The following CDH4 variants were observed in gnomAD, a reference collection of about 807,000 sequenced individuals.
The protein encoded by CDH4 is cadherin-4.
Under a neutral mutation model 86.0 loss-of-function variants are expected in CDH4, and 33 were observed. The observed-to-expected ratio is 0.38, with a 90% CI of 0.29 to 0.51. CDH4 has a LOEUF of 0.51. Ranked by LOEUF, CDH4 falls within the 20% of genes least tolerant of loss-of-function variation. The pLI, the probability that CDH4 is intolerant of heterozygous loss-of-function variation, is 0.86. For missense variants in CDH4, 1,114 were observed against 1,307.4 expected, an observed-to-expected ratio of 0.85 and a Z score of 2.28; for synonymous variants, 555 against 549.4, an observed-to-expected ratio of 1.01 and a Z score of -0.14.
At chr20:61,651,098 G>T (rs566738162) in intron 2 of CDH4, among the ~76,000 whole-genome samples, 1 of 151,992 alleles carries the variant, frequency 6.6e-6, no homozygotes, top group Admixed American at 6.6e-5. Flanking sequence ...TGGTGTGCTC[G>T]TGTCAGTGAG....
At chr20:61,933,165 G>A (rs370505270) in intron 14 of CDH4, 41 bp downstream of exon 14, 2 of 1,600,814 alleles carry the variant, frequency 1.2e-6, no homozygotes, top group African/African-American at 1.3e-5. Context: ...CGCGAGGCCG[G>A]CTCTCACGTG....
chr20:61,728,694 C>T (rs935433384), intron 2 of CDH4, among the ~76,000 whole-genome samples: 1 of 152,168 alleles, frequency 6.6e-6, no homozygotes, highest in African/African-American at 2.4e-5. Context: ...GATGTCTGAG[C>T]AGACAGTATT....
chr20:61,589,184 A>G (rs1033991937), intron 2 of CDH4, among the ~76,000 whole-genome samples: 3 of 152,198 alleles, frequency 2.0e-5, no homozygotes, highest in African/African-American at 7.2e-5. Flanking sequence ...CTGATCTCTG[A>G]TTAACTTTTG....
chr20:61,529,569 G>A (rs2085936838), intron 2 of CDH4, among the ~76,000 whole-genome samples: 2 of 152,222 alleles, frequency 1.3e-5, no homozygotes, highest in South Asian at 4.1e-4. Flanking sequence ...TGAGGAAAGA[G>A]AATCTCTGTC....
rs539819239 is a variant in CDH4, at chr20:61,480,223, C to A, written c.169+225286C>A. On this transcript the variant is annotated intron_variant, in intron 2 of 15. Transcript: ENST00000614565. The surrounding 1 kb of genome is among the most constrained non-coding windows in gnomAD (Gnocchi z 5.2). ...AGACTCCCAATCCATCTCTTCCACC[C>A]CAGGAGGACCCCAGGCTCCCCCTCT... is the stretch of plus-strand genomic sequence containing the variant. 1.3e-5 allele frequency among the ~76,000 whole-genome samples: 2 copies of A among 152,254 alleles called. No homozygotes were observed. The highest frequency in any genetic ancestry group is 4.8e-5 in the African/African-American group (2 of 41,554).
Position 61,708,859 on chromosome 20 carries a change from C to T in CDH4, c.170-34704C>T, listed in dbSNP as rs553146063. 2.4e-3 allele frequency among the ~76,000 whole-genome samples: 372 copies of T among 152,332 alleles called. 2 individuals are homozygous for T. Among genetic ancestry groups the T allele is most frequent in the African/African-American group, 8.2e-3 (342 of 41,572 alleles). On this transcript the variant is annotated intron_variant, in intron 2 of 15. Coordinates refer to ENST00000614565, the MANE Select transcript of CDH4 (RefSeq NM_001794.5). The surrounding 1 kb of genome is among the most constrained non-coding windows in gnomAD (Gnocchi z 4.5). ...GCATTGGCAGACGTGCAGAACACCC[C>T]GCGTGCAATCTTTTCCTGGTAATTT... is the stretch of plus-strand genomic sequence containing the variant.
chr20:61,743,726 G>A lies in CDH4; in HGVS notation c.333G>A (p.Glu111=). Residue 111 remains glutamate, a synonymous_variant, in exon 3 of 16, where the codon GAG becomes GAA. Coordinates refer to ENST00000614565, the MANE Select transcript of CDH4 (RefSeq NM_001794.5). The stretch of plus-strand genomic sequence containing the variant: ...CTGCATGGGACAGCCAGACAGCAGA[G>A]AAATGGGACGCCGTGGTGCGGTTGC... ...TVTAWDSQTA[E]KWDAVVRLLV... is the part of the protein sequence containing the mutation. The A allele has an allele frequency of 6.2e-7, 1 of 1,611,328 alleles. No homozygotes were observed. The highest frequency in any genetic ancestry group is 8.5e-7 in the Non-Finnish European group (1 of 1,179,056).
chr20:61,610,601 C>T (rs1358975436), intron 2 of CDH4, among the ~76,000 whole-genome samples: 2 of 152,078 alleles, frequency 1.3e-5, no homozygotes, highest in African/African-American at 4.8e-5. Flanking sequence ...GTGGTCCTAC[C>T]TCATGTTCCC....
chr20:61,598,019 C>G (rs996509248), intron 2 of CDH4, among the ~76,000 whole-genome samples: 2 of 152,214 alleles, frequency 1.3e-5, no homozygotes, highest in African/African-American at 4.8e-5. Context: ...CTTTAGGGCT[C>G]CTGAATTGTC....
At chr20:61,513,533 G>C (rs774912732) in intron 2 of CDH4, among the ~76,000 whole-genome samples, 60 of 152,226 alleles carry the variant, frequency 3.9e-4, no homozygotes, top group Non-Finnish European at 6.9e-4. Context: ...ATGGCGCACG[G>C]CTGTGAAGGA....
At chr20:61,253,147 G>A (rs1314177117) in intron 1 of CDH4, among the ~76,000 whole-genome samples, 6 of 151,368 alleles carry the variant, frequency 4.0e-5, no homozygotes, top group Non-Finnish European at 7.4e-5. Context: ...GGCGGGGTAG[G>A]ACTGCGGGGC....
intron 3 of CDH4, among the ~76,000 whole-genome samples, chr20:61,755,538 C>T (rs1200604849): frequency 6.9e-6 from 1 of 145,948 alleles, no homozygotes. Context: ...ACACCATATA[C>T]ACAGTGCATG....
chr20:61,546,883 C>T (rs895318604), intron 2 of CDH4, among the ~76,000 whole-genome samples: 1 of 152,100 alleles, frequency 6.6e-6, no homozygotes, highest in African/African-American at 2.4e-5. Flanking sequence ...GGGGGCTGCA[C>T]GGGAGACAGG....
intron 2 of CDH4, among the ~76,000 whole-genome samples, chr20:61,487,103 G>A (rs1189872624): frequency 6.6e-6 from 1 of 152,172 alleles, no homozygotes; most frequent in African/African-American, 2.4e-5. Context: ...GTGATCCATT[G>A]TGAGATAATT....
chr20:61,753,553 G>A (rs748897747), intron 3 of CDH4, among the ~76,000 whole-genome samples: 3 of 152,154 alleles, frequency 2.0e-5, no homozygotes, highest in Non-Finnish European at 4.4e-5. Flanking sequence ...TCCCACCGGA[G>A]GGCTGAGTCA....
intron 2 of CDH4, among the ~76,000 whole-genome samples, chr20:61,594,599 T>C (rs1237150928): frequency 6.6e-6 from 1 of 152,196 alleles, no homozygotes; most frequent in Non-Finnish European, 1.5e-5. Flanking sequence ...CCTAGACACC[T>C]GCTGCCGCCT....
In CDH4 at chr20:61,510,709, A is replaced by G. The variant is rs1350119018; in HGVS notation, c.170-232854A>G. Among the ~76,000 whole-genome samples, 1 of 152,120 alleles carries G rather than the reference A, an allele frequency of 6.6e-6. No homozygotes were observed. The highest frequency in any genetic ancestry group is 1.5e-5 in the Non-Finnish European group (1 of 68,030). On this transcript the variant is annotated intron_variant, in intron 2 of 15. Coordinates refer to ENST00000614565, the MANE Select transcript of CDH4 (RefSeq NM_001794.5). The surrounding 1 kb of genome is among the most constrained non-coding windows in gnomAD (Gnocchi z 4.2). ...GGCGGGAAGGTGTGCCCTCCATTAT[A>G]TAGAGGAGGCAGGTTGAAAATTGTA...
chr20:61,754,766 TGCCACACACACCACACACACACTGCAC>T lies in CDH4; in HGVS notation c.396+10998_396+11024del, dbSNP rs1316683584. On this transcript the variant is annotated intron_variant, in intron 3 of 15. Coordinates refer to ENST00000614565, the MANE Select transcript of CDH4 (RefSeq NM_001794.5). This position sits in a 1 kb window ranked among gnomAD's most constrained non-coding sequence, Gnocchi z 4.7. ...CTATGCACACCACACACACAGTGCA[TGCCACACACACCACACACACACTGCAC>T]GCCACACACACCACACACACGATGC... is the stretch of plus-strand genomic sequence containing the variant. 2.2e-5 allele frequency among the ~76,000 whole-genome samples: 3 copies of T among 133,698 alleles called. No individual in the cohort carries two copies. Among genetic ancestry groups the T allele is most frequent in the African/African-American group, 5.8e-5 (2 of 34,230 alleles). 87.7% of individuals were successfully genotyped at this position (133,698 alleles called of 152,430 possible).
intron 2 of CDH4, among the ~76,000 whole-genome samples, chr20:61,482,220 C>G (rs1465565033): frequency 6.6e-6 from 1 of 152,224 alleles, no homozygotes; most frequent in African/African-American, 2.4e-5. Flanking sequence ...CAGAAGTTAT[C>G]AGAGCTCTGG....
Sources: gnomAD v4.1 joint callset for allele counts (sites outside exome capture counted in the v4.1 genomes callset) on GRCh38, gnomAD v4.1.1 for gene constraint, Gnocchi (gnomAD v3.1) non-coding constraint, MANE v1.5 for transcripts, NCBI Gene and HGNC (gene_info 2026-07-23, HGNC 2026-07-21) for gene names.